Variants in ADTRP observed in about 807,000 individuals in gnomAD.
ADTRP encodes the protein androgen dependent TFPI regulating protein, also known as androgen-dependent TFPI-regulating protein.
In ADTRP, 20 loss-of-function variants were observed where a neutral mutation model predicts 27.0. The observed-to-expected ratio is 0.74, with a 90% CI of 0.52 to 1.08. ADTRP has a LOEUF of 1.08. ADTRP is among the 50% of genes least tolerant of loss of function. ADTRP has a pLI of 0.00. For missense variants in ADTRP, 251 were observed against 275.0 expected, an observed-to-expected ratio of 0.91 and a Z score of 0.62; for synonymous variants, 101 against 105.2, an observed-to-expected ratio of 0.96 and a Z score of 0.25.
chr6:11,731,162 G>T (rs1335622741), intron 4 of ADTRP, among the ~76,000 whole-genome samples: 1 of 152,214 alleles, frequency 6.6e-6, no homozygotes, highest in East Asian at 1.9e-4. Flanking sequence ...ACTGGACCAA[G>T]ACCTCCAAGG....
At position 11,778,590 on chromosome 6, in the gene ADTRP, C is replaced by T. The variant is rs201893006; in HGVS notation, c.153+17G>A. 77 of 1,609,886 alleles carry T rather than the reference C, an allele frequency of 4.8e-5. No homozygotes were observed. In the East Asian group the frequency reaches 9.2e-4, roughly 19 times the overall value. On this transcript the variant is annotated intron_variant, in intron 1 of 5. Coordinates refer to ENST00000414691, the MANE Select transcript of ADTRP (RefSeq NM_032744.4). ...TAGAGAAATGGATCGGTTCCTGGTA[C>T]GGACATATGGACTTACCAGATTAAG... is the stretch of plus-strand genomic sequence containing the variant.
chr6:11,758,570 T>TGGG (rs1763287705), intron 3 of ADTRP, among the ~76,000 whole-genome samples: 6 of 4,902 alleles, frequency 1.2e-3, no homozygotes, highest in Non-Finnish European at 2.3e-3. Flanking sequence ...GGGACTGTTG[T>TGGG]GGGGTGGGGG....
At chr6:11,768,863 T>A (rs1325867459) in intron 1 of ADTRP, among the ~76,000 whole-genome samples, 1 of 151,882 alleles carries the variant, frequency 6.6e-6, no homozygotes, top group Admixed American at 6.6e-5. Flanking sequence ...ACCACGAATC[T>A]CTGTGCTCTC....
chr6:11,763,260 T>C (rs559810165), intron 3 of ADTRP, among the ~76,000 whole-genome samples: 118 of 152,336 alleles, frequency 7.7e-4, no homozygotes, highest in African/African-American at 2.6e-3. Context: ...AAGACTTGAT[T>C]AATCATGAAG....
At chr6:11,726,560 G>A (rs1483042600) in intron 4 of ADTRP, among the ~76,000 whole-genome samples, 3 of 152,110 alleles carry the variant, frequency 2.0e-5, no homozygotes, top group Admixed American at 1.3e-4. Flanking sequence ...CGGCAGCCAG[G>A]GCCATGCCCT....
At chr6:11,724,089 A>ACAAC (rs35453468) in intron 4 of ADTRP, among the ~76,000 whole-genome samples, 10,323 of 151,866 alleles carry the variant, frequency 0.068, 430 homozygotes, top group Middle Eastern at 0.13. Flanking sequence ...AAACAAACAA[A>ACAAC]CATAGAACCA....
intron 3 of ADTRP, among the ~76,000 whole-genome samples, chr6:11,743,956 G>C (rs1762791863): frequency 6.6e-6 from 1 of 152,162 alleles, no homozygotes; most frequent in Admixed American, 6.5e-5. Flanking sequence ...TTGGTGTTGG[G>C]AGTCAATACA....
At chr6:11,727,084 G>A (rs572785098) in intron 4 of ADTRP, among the ~76,000 whole-genome samples, 33 of 152,162 alleles carry the variant, frequency 2.2e-4, no homozygotes, top group Admixed American at 6.5e-4. Context: ...GTGCAGTGGT[G>A]CAATCTCGGC....
In ADTRP at chr6:11,715,738, T is replaced by A. The variant is rs189250855; in HGVS notation, c.659-1226A>T. On this transcript the variant is annotated intron_variant, in intron 5 of 5. Transcript: ENST00000414691. ...TCAGCTCACTGCGGCCTTGAGCTCC[T>A]GGGCTGAAGTCCTCCAACCTCAGTC... Among the ~76,000 whole-genome samples, 4 of 144,436 alleles carry A rather than the reference T, an allele frequency of 2.8e-5. No individual in the cohort carries two copies. The East Asian group carries it at 8.4e-4, about 30-fold the overall frequency. The allele number at this position is 144,436 out of a possible 152,430, so 94.8% of individuals were successfully genotyped here.
In ADTRP at chr6:11,721,807, C is replaced by T. The variant is rs182487173; in HGVS notation, c.658+1542G>A. Among the ~76,000 whole-genome samples the T allele has an allele frequency of 5.3e-5, 8 of 152,072 alleles. No homozygotes were observed. The East Asian group carries it at 5.8e-4, about 11-fold the overall frequency. On this transcript the variant is annotated intron_variant, in intron 5 of 5. Coordinates refer to ENST00000414691, the MANE Select transcript of ADTRP (RefSeq NM_032744.4). ...CTTAAACAATGAGGCTTGTTAAGAA[C>T]GTTGTATTGAGAATAGTAATTTCAA...
intron 1 of ADTRP, among the ~76,000 whole-genome samples, chr6:11,772,054 C>T (rs555312804): frequency 6.6e-6 from 1 of 152,354 alleles, no homozygotes. Flanking sequence ...TCTTTTGAGA[C>T]TCTTACAACA....
chr6:11,735,644 G>A lies in ADTRP; in HGVS notation c.430C>T (p.Leu144Phe). 6.2e-7 allele frequency: 1 copy of A among 1,614,100 alleles called. No homozygotes were observed. The highest frequency in any genetic ancestry group is 2.2e-5 in the East Asian group (1 of 44,882). Residue 144 changes from leucine to phenylalanine, a missense_variant, in exon 4 of 6, where the codon CTC (leucine) becomes TTC (phenylalanine). Physicochemically the swap from Leu to Phe is conservative, Grantham distance 22 (BLOSUM62 0). Transcript: ENST00000414691. Reference sequence around the variant, plus strand: ...TTTGATGGATAGGAGTGAGGCCTGAGGACGACTTCAGCCAATGTGATGGGG... The same window carrying A: ...TTTGATGGATAGGAGTGAGGCCTGAAGACGACTTCAGCCAATGTGATGGGG... ...IFPITLAEVVLRPHSYPSKKT... is the reference protein window; with the variant it reads ...IFPITLAEVVFRPHSYPSKKT...
chr6:11,725,488 C>G (rs955404828), intron 4 of ADTRP, among the ~76,000 whole-genome samples: 3 of 152,104 alleles, frequency 2.0e-5, no homozygotes, highest in Admixed American at 1.3e-4. Flanking sequence ...TTGTCTTACA[C>G]TCATTAGGAT....
At chr6:11,761,596 C>A (rs919202834) in intron 3 of ADTRP, among the ~76,000 whole-genome samples, 1 of 152,026 alleles carries the variant, frequency 6.6e-6, no homozygotes, top group Non-Finnish European at 1.5e-5. Context: ...ACACAATAGC[C>A]CAAAGCACAT....
Position 11,737,327 on chromosome 6 carries a change from C to T in ADTRP, c.391-1644G>A, listed in dbSNP as rs559576620. Among the ~76,000 whole-genome samples the T allele has an allele frequency of 3.7e-4, 57 of 152,270 alleles. No homozygotes were observed. The East Asian group carries it at 8.1e-3, about 22-fold the overall frequency. On this transcript the variant is annotated intron_variant, in intron 3 of 5. Coordinates refer to ENST00000414691, the MANE Select transcript of ADTRP (RefSeq NM_032744.4). ...ACAGTCTCCACCTGCAAGCTCCCGC[C>T]CCATCTTGTTCCTGAGCCCCAGGGC...
chr6:11,747,331 C>T (rs923968980), intron 3 of ADTRP, among the ~76,000 whole-genome samples: 1 of 152,206 alleles, frequency 6.6e-6, no homozygotes, highest in Admixed American at 6.5e-5. Context: ...CTCCAGAATA[C>T]CCCTCTGAAA....
chr6:11,723,751 T>C (rs563689954), intron 4 of ADTRP, among the ~76,000 whole-genome samples: 2 of 152,122 alleles, frequency 1.3e-5, no homozygotes, highest in South Asian at 4.2e-4. Context: ...AATTCAACAT[T>C]GGTGAAAAAA....
intron 4 of ADTRP, among the ~76,000 whole-genome samples, chr6:11,732,338 C>A (rs904001895): frequency 1.3e-5 from 2 of 152,306 alleles, no homozygotes; most frequent in Admixed American, 6.5e-5. Context: ...ATGCTCTTTA[C>A]CTCATTCGTG....
chr6:11,769,787 A>G (rs1190724703), intron 1 of ADTRP, among the ~76,000 whole-genome samples: 1 of 152,222 alleles, frequency 6.6e-6, no homozygotes, highest in African/African-American at 2.4e-5. Flanking sequence ...AGAATATAAA[A>G]TATAGATTTT....
Sources: allele counts gnomAD v4.1 joint callset (sites outside exome capture counted in the v4.1 genomes callset), GRCh38; gene constraint gnomAD v4.1.1; transcripts MANE v1.5; gene names NCBI Gene and HGNC (gene_info 2026-07-23, HGNC 2026-07-21).